Variants in HDGFL2 observed in about 807,000 individuals in gnomAD.
HDGFL2 encodes the protein HDGF like 2, also known as hepatoma-derived growth factor-related protein 2.
A neutral mutation model predicts 77.1 loss-of-function variants in HDGFL2; 36 were observed. That is an observed-to-expected ratio of 0.47 (90% CI 0.36 to 0.62). The LOEUF is 0.62. Among genes scored for constraint, HDGFL2 ranks in the 20% least tolerant of loss-of-function variants. The pLI is 0.00. For missense variants in HDGFL2, 976 were observed against 973.4 expected, an observed-to-expected ratio of 1.00 and a Z score of -0.04; for synonymous variants, 463 against 413.1, an observed-to-expected ratio of 1.12 and a Z score of -1.46.
intron 3 of HDGFL2, among the ~76,000 whole-genome samples, chr19:4,483,109 TTC>T (rs1975263336): frequency 6.6e-6 from 1 of 152,222 alleles, no homozygotes; most frequent in Non-Finnish European, 1.5e-5. Context: ...ACTCTCAGCG[TTC>T]TCCGTTTGCG....
chr19:4,499,660 G>T lies in HDGFL2; in HGVS notation c.1745G>T (p.Gly582Val). The T allele has an allele frequency of 6.3e-7, 1 of 1,577,824 alleles. No individual in the cohort carries two copies. The highest frequency in any genetic ancestry group is 8.6e-7 in the Non-Finnish European group (1 of 1,161,706). ...AAGCTGGCCGGGGAGGAGCTGGCCG[G>T]GGAGGAGGCCCCCCAGGAGAAGGCG... ...EEKLAGEELA[G>V]EEAPQEKAED... The change falls in exon 14 of 16, where the codon GGG (glycine) becomes GTG (valine). Residue 582 changes from glycine to valine, a missense_variant. Physicochemically the swap from Gly to Val is moderately radical, Grantham distance 109. Around this residue, in one of 5 missense-constraint regions of HDGFL2, gnomAD observed 229 missense variants for 187.3 expected, o/e 1.22. Coordinates refer to ENST00000616600, the MANE Select transcript of HDGFL2 (RefSeq NM_001001520.3).
At chr19:4,480,265 GC>G (rs1257644786) in intron 3 of HDGFL2, among the ~76,000 whole-genome samples, 2 of 152,174 alleles carry the variant, frequency 1.3e-5, no homozygotes, top group Non-Finnish European at 2.9e-5. Context: ...ACAGAGCTGA[GC>G]TGGGGTCAGA....
At chr19:4,493,002 TTG>T (rs761260386) in intron 6 of HDGFL2, among the ~76,000 whole-genome samples, 28 of 127,944 alleles carry the variant, frequency 2.2e-4, no homozygotes, top group Non-Finnish European at 2.8e-4. Flanking sequence ...GTGTGTGTGG[TTG>T]TGTGTGGTGC....
At chr19:4,472,652 C>A (rs10421899) in intron 1 of HDGFL2, among the ~76,000 whole-genome samples, 1 of 147,284 alleles carries the variant, frequency 6.8e-6, no homozygotes, top group Non-Finnish European at 1.5e-5. Flanking sequence ...CTGGGGTTGT[C>A]CGGGGCCTGC....
chr19:4,497,943 A>C lies in HDGFL2; in HGVS notation c.1329-15A>C. The C allele has an allele frequency of 1.9e-6, 3 of 1,550,616 alleles. No homozygotes were observed. The highest frequency in any genetic ancestry group is 2.6e-6 in the Non-Finnish European group (3 of 1,146,396). ...CCGGTGACGGGGCCCGACTGAGGGG[A>C]GCACTTCTCCACAGGCCCGTGAAGG... is the stretch of plus-strand genomic sequence containing the variant. On this transcript the variant is annotated splice_polypyrimidine_tract_variant and intron_variant, in intron 10 of 15. Transcript: ENST00000616600.
chr19:4,493,780 G>A lies in HDGFL2; in HGVS notation c.756G>A (p.Arg252=), dbSNP rs751151854. The A allele has an allele frequency of 3.9e-6, 6 of 1,544,488 alleles. No individual in the cohort carries two copies. The highest frequency in any genetic ancestry group is 2.0e-5 in the Admixed American group (1 of 50,626). The change falls in exon 7 of 16, where the codon CGG becomes CGA. Residue 252 remains arginine, a synonymous_variant. Transcript: ENST00000616600. The part of the protein sequence containing the change: ...GAKPEPVAMA[R]SASSSSSSSS... ...AGCCTGAGCCGGTGGCCATGGCGCG[G>A]TCGGCGTCCTCCTCCTCCTCTTCCT...
In HDGFL2 at chr19:4,502,149, T is replaced by A; in HGVS notation, c.*139T>A. Reference sequence around the variant, plus strand: ...TTCCCTTGGGTTTTTTTTTCCTGCCTAATTTCTGTGATTTCCAACCAACAT... The same window carrying A: ...TTCCCTTGGGTTTTTTTTTCCTGCCAAATTTCTGTGATTTCCAACCAACAT... On this transcript the variant is annotated 3_prime_UTR_variant, in exon 16 of 16. Transcript: ENST00000616600. The A allele has an allele frequency of 1.4e-6, 1 of 713,224 alleles. No individual in the cohort carries two copies. The highest frequency in any genetic ancestry group is 2.5e-6 in the Non-Finnish European group (1 of 401,366). 44.2% of individuals were successfully genotyped at this position (713,224 alleles called of 1,614,324 possible).
At chr19:4,480,718 C>G (rs1347217343) in intron 3 of HDGFL2, among the ~76,000 whole-genome samples, 1 of 150,564 alleles carries the variant, frequency 6.6e-6, no homozygotes, top group Non-Finnish European at 1.5e-5. Context: ...GACTCCGTCT[C>G]AAAAAAAAAG....
intron 3 of HDGFL2, among the ~76,000 whole-genome samples, chr19:4,478,490 C>T (rs191822791): frequency 1.3e-5 from 2 of 151,950 alleles, no homozygotes; most frequent in Non-Finnish European, 2.9e-5. Context: ...TGTGAGCCAC[C>T]ACACCCAGCC....
chr19:4,489,923 C>T (rs1010415947), intron 4 of HDGFL2, among the ~76,000 whole-genome samples: 10 of 152,118 alleles, frequency 6.6e-5, no homozygotes, highest in African/African-American at 2.2e-4. Context: ...TCCTCTGGCC[C>T]CTGGCACCCA....
intron 15 of HDGFL2, 111 bp downstream of exon 15, chr19:4,501,428 A>T (rs770382189): frequency 3.8e-6 from 5 of 1,304,542 alleles, no homozygotes; most frequent in Non-Finnish European, 4.1e-6. Flanking sequence ...GGTCCCAGGG[A>T]TGTCGTCCTT....
At chr19:4,492,891 CTG>C (rs201839653) in intron 6 of HDGFL2, among the ~76,000 whole-genome samples, 16 of 113,578 alleles carry the variant, frequency 1.4e-4, no homozygotes, top group African/African-American at 5.2e-4. Context: ...TGTGTGTTAT[CTG>C]TGGTGTGTGT....
intron 3 of HDGFL2, among the ~76,000 whole-genome samples, chr19:4,476,618 GAA>G (rs1275340200): frequency 6.6e-6 from 1 of 150,936 alleles, no homozygotes; most frequent in African/African-American, 2.4e-5. Flanking sequence ...TTAGAGGAGT[GAA>G]AAGTCTGTAG....
chr19:4,483,382 G>A (rs964656990), intron 3 of HDGFL2, among the ~76,000 whole-genome samples: 11 of 152,298 alleles, frequency 7.2e-5, no homozygotes, highest in Admixed American at 1.3e-4. Flanking sequence ...AAGCCTGGAG[G>A]GAGCCGGGAA....
chr19:4,472,450 T>TGGG (rs57169858), intron 1 of HDGFL2, 28 bp downstream of exon 1: 13 of 282,872 alleles, frequency 4.6e-5, no homozygotes, highest in Admixed American at 3.1e-4. Context: ...ATGGGGCCGG[T>TGGG]GGGGGGGGGG....
At chr19:4,480,809 A>G (rs1975193233) in intron 3 of HDGFL2, among the ~76,000 whole-genome samples, 1 of 152,018 alleles carries the variant, frequency 6.6e-6, no homozygotes, top group Non-Finnish European at 1.5e-5. Flanking sequence ...CTCACTGTGA[A>G]TCTTGACCAT....
In HDGFL2 at chr19:4,498,309, C is replaced by T. The variant is rs367738394; in HGVS notation, c.1406C>T (p.Pro469Leu). The T allele has an allele frequency of 1.3e-4, 208 of 1,613,174 alleles. No homozygotes were observed. The highest frequency in any genetic ancestry group is 1.6e-4 in the Non-Finnish European group (191 of 1,179,822). The part of the protein sequence containing the change: ...MDRKVEKKKE[P>L]SVEEKLQKLH... ...GGTGCTCTCTCTCCTGGCCCAGAGCCCTCCGTGGAGGAGAAGCTGCAGAAG... is the reference window on the plus strand; with the variant it reads ...GGTGCTCTCTCTCCTGGCCCAGAGCTCTCCGTGGAGGAGAAGCTGCAGAAG... Residue 469 changes from proline to leucine, a missense_variant, in exon 12 of 16, where the codon CCC becomes CTC. Physicochemically the swap from Pro to Leu is moderately conservative, Grantham distance 98. This residue lies in a region of HDGFL2 where 567 missense variants were observed against 534.7 expected (regional missense o/e 1.06). Coordinates refer to ENST00000616600, the MANE Select transcript of HDGFL2 (RefSeq NM_001001520.3).
Position 4,501,287 on chromosome 19 carries a change from C to T in HDGFL2, c.1886C>T (p.Pro629Leu), listed in dbSNP as rs753100507. The change falls in exon 15 of 16, where the codon CCA becomes CTA. Residue 629 changes from proline (P) to leucine (L), a missense_variant. Physicochemically the swap from Pro to Leu is moderately conservative, Grantham distance 98 (BLOSUM62 -3). Transcript: ENST00000616600. ...HEEGRDSEEG[P>L]RCGSSEDLHD... ...GAGGGTCGGGACTCGGAGGAGGGGC[C>T]AAGGTGTGGCTCCTCTGAAGACCTG... 6.2e-7 allele frequency: 1 copy of T among 1,609,480 alleles called. No individual in the cohort carries two copies. Among genetic ancestry groups the T allele is most frequent in the Non-Finnish European group, 8.5e-7 (1 of 1,177,448 alleles).
Position 4,472,389 on chromosome 19 carries a change from T to C in HDGFL2, c.39T>C (p.Ala13=). ...HAFKPGDLVF[A]KMKGYPHWPA... ...TCAAGCCCGGGGACTTGGTGTTCGC[T>C]AAGATGAAGGGCTACCCTCACTGGC... Residue 13 remains alanine (A), a synonymous_variant, in exon 1 of 16, where the codon GCT becomes GCC. Coordinates refer to ENST00000616600, the MANE Select transcript of HDGFL2 (RefSeq NM_001001520.3). The C allele has an allele frequency of 6.9e-7, 1 of 1,456,372 alleles. No homozygotes were observed. Among genetic ancestry groups the C allele is most frequent in the Non-Finnish European group, 9.1e-7 (1 of 1,101,868 alleles). The allele number at this position is 1,456,372 out of a possible 1,614,324, so 90.2% of individuals were successfully genotyped here.
Sources: gnomAD v4.1 joint callset for allele counts (sites outside exome capture counted in the v4.1 genomes callset) on GRCh38, gnomAD v4.1.1 for gene constraint, gnomAD v4.1.1 regional missense constraint, MANE v1.5 for transcripts, NCBI Gene and HGNC (gene_info 2026-07-23, HGNC 2026-07-21) for gene names.